Variants in DDX51 observed in about 807,000 individuals in gnomAD.
The protein encoded by DDX51 is ATP-dependent RNA helicase DDX51.
In DDX51, 67 loss-of-function variants were observed where a neutral mutation model predicts 74.6. The ratio of observed to expected loss-of-function variants is 0.90; its 90% confidence interval spans 0.74 to 1.10. The LOEUF (loss-of-function observed/expected upper bound fraction) is 1.10. DDX51 is among the 50% of genes least tolerant of loss of function. DDX51 has a pLI of 0.00. For missense variants in DDX51, 1,056 were observed against 905.2 expected (o/e 1.17, Z -2.14); for synonymous variants, 545 against 402.9 (o/e 1.35, Z -4.22).
chr12:132,144,135 G>T lies in DDX51; in HGVS notation c.162C>A (p.Thr54=). The change falls in exon 1 of 15, where the codon ACC becomes ACA. Residue 54 remains threonine, a synonymous_variant. Coordinates refer to ENST00000397333, the MANE Select transcript of DDX51 (RefSeq NM_175066.4). ...ERQQQREPAQ[T]EAAASTEPAT... ...CCGGCTCGGTCGATGCAGCCGCCTC[G>T]GTCTGCGCGGGCTCCCGCTGCTGCT... is the stretch of plus-strand genomic sequence containing the variant. 8.4e-7 allele frequency: 1 copy of T among 1,193,002 alleles called. No homozygotes were observed. The highest frequency in any genetic ancestry group is 4.0e-5 in the South Asian group (1 of 24,842). 73.9% of individuals were successfully genotyped at this position (1,193,002 alleles called of 1,614,324 possible). A position where few individuals can be genotyped will look rare whatever the true frequency, so the allele number is the denominator to read the frequency against.
At position 132,144,146 on chromosome 12, in the gene DDX51, G is replaced by T; in HGVS notation, c.151C>A (p.Pro51Thr). Residue 51 changes from proline (P) to threonine (T), a missense_variant, in exon 1 of 15, where the codon CCC becomes ACC. Coordinates refer to ENST00000397333, the MANE Select transcript of DDX51 (RefSeq NM_175066.4). ...GATGCAGCCGCCTCGGTCTGCGCGG[G>T]CTCCCGCTGCTGCTGCCGTTCGCGG... Reference protein sequence around the residue: ...RARERQQQREPAQTEAAASTE... With the variant: ...RARERQQQRETAQTEAAASTE... 8.4e-7 allele frequency: 1 copy of T among 1,183,580 alleles called. No homozygotes were observed. The highest frequency in any genetic ancestry group is 1.0e-6 in the Non-Finnish European group (1 of 957,736). The allele number at this position is 1,183,580 out of a possible 1,614,324, so 73.3% of individuals were successfully genotyped here.
At chr12:132,139,526 T>C (rs61942917) in intron 14 of DDX51, 109 bp downstream of exon 14, 59,398 of 1,600,088 alleles carry the variant, frequency 0.037, 1,283 homozygotes, top group Admixed American at 0.062. Flanking sequence ...TGACCCTCTG[T>C]TGCCTTCTCG....
In DDX51 at chr12:132,140,521, T is replaced by C. The variant is rs1593419244; in HGVS notation, c.1575A>G (p.Gln525=). ...ENSHRLFLLV[Q]AFGGVDVAEF... ...CAGCCACGTCCACACCCCCAAAAGC[T>C]TGCACCAGCAGGAAGAGCCTAGGCA... is the stretch of plus-strand genomic sequence containing the variant. Residue 525 remains glutamine (Q), a synonymous_variant, in exon 11 of 15, where the codon CAA becomes CAG. Coordinates refer to ENST00000397333, the MANE Select transcript of DDX51 (RefSeq NM_175066.4). 3 of 1,612,790 alleles carry C rather than the reference T, an allele frequency of 1.9e-6. No individual in the cohort carries two copies. The highest frequency in any genetic ancestry group is 1.7e-5 in the Admixed American group (1 of 59,984).
rs1897346798 is a variant in DDX51, at chr12:132,138,902, G to C, written c.*370C>G. 1 of 244,618 alleles carries C rather than the reference G, an allele frequency of 4.1e-6. No individual in the cohort carries two copies. 15.2% of individuals were successfully genotyped at this position (244,618 alleles called of 1,614,324 possible). A position where few individuals can be genotyped will look rare whatever the true frequency, so the allele number is the denominator to read the frequency against. On this transcript the variant is annotated 3_prime_UTR_variant, in exon 15 of 15. Coordinates refer to ENST00000397333, the MANE Select transcript of DDX51 (RefSeq NM_175066.4). Reference sequence around the variant, plus strand: ...CAAAGTGCTGGAATTACAGGCATGAGCCACCATGCCTGGCCAAGAGCTTGA... The same window carrying C: ...CAAAGTGCTGGAATTACAGGCATGACCCACCATGCCTGGCCAAGAGCTTGA...
rs1439815546 is a variant in DDX51, at chr12:132,141,974, C to T, written c.889-18G>A. 1.9e-6 allele frequency: 3 copies of T among 1,611,824 alleles called. No individual in the cohort carries two copies. The highest frequency in any genetic ancestry group is 1.3e-5 in the African/African-American group (1 of 74,928). On this transcript the variant is annotated intron_variant, in intron 5 of 14. Transcript: ENST00000397333. ...TTGCTCACCTGCAGGAGAAGTCTGT[C>T]ACTGGCCTGGAGGTAGCTGGTGTCC...
intron 14 of DDX51, 75 bp downstream of exon 14, chr12:132,139,551 CCTCTTTTCT>C: frequency 1.2e-6 from 2 of 1,610,362 alleles, no homozygotes; most frequent in Non-Finnish European, 1.7e-6. Context: ...CCTCTTTTTC[CCTCTTTTCT>C]CCACGTGTGG....
At chr12:132,140,067 A>AC (rs1565953153) in intron 12 of DDX51, 31 bp downstream of exon 12, 1 of 1,608,268 alleles carries the variant, frequency 6.2e-7, no homozygotes, top group Admixed American at 1.7e-5. Flanking sequence ...AAAGCCCCAG[A>AC]CCCCCCAGTG....
chr12:132,142,322 T>C lies in DDX51; in HGVS notation c.771A>G (p.Pro257=). ...AGGCCAGTGTCTTCCCACTGCCTGT[T>C]GGGGCAGAAACACAGAGGTCGCTAG... is the stretch of plus-strand genomic sequence containing the variant. The part of the protein sequence containing the change: ...YRPSDLCVSA[P]TGSGKTLAFV... Residue 257 remains proline, a synonymous_variant, in exon 4 of 15, where the codon CCA becomes CCG. Transcript: ENST00000397333. 1 of 1,613,138 alleles carries C rather than the reference T, an allele frequency of 6.2e-7. No homozygotes were observed. Among genetic ancestry groups the C allele is most frequent in the South Asian group, 1.1e-5 (1 of 91,084 alleles).
At position 132,141,972 on chromosome 12, in the gene DDX51, G is replaced by A. The variant is rs753148115; in HGVS notation, c.889-16C>T. On this transcript the variant is annotated splice_polypyrimidine_tract_variant and intron_variant, in intron 5 of 14. Transcript: ENST00000397333. ...CTTTGCTCACCTGCAGGAGAAGTCT[G>A]TCACTGGCCTGGAGGTAGCTGGTGT... The A allele has an allele frequency of 1.9e-5, 31 of 1,611,894 alleles. 1 individual carries two copies. The South Asian group carries it at 3.4e-4, about 18-fold the overall frequency.
intron 3 of DDX51, 105 bp from the exon 4 acceptor site, chr12:132,142,527 G>A: frequency 6.6e-7 from 1 of 1,508,774 alleles, no homozygotes. Flanking sequence ...GGAGGCCTGG[G>A]AACCGCTCCC....
rs1186564792 is a variant in DDX51 at position 132,138,344 on chromosome 12, ACT to A, written c.*926_*927del. On this transcript the variant is annotated 3_prime_UTR_variant, in exon 15 of 15. Coordinates refer to ENST00000397333, the MANE Select transcript of DDX51 (RefSeq NM_175066.4). ...AGAGCTTTTTTTTTGACGGAGTCTCACTCTGTTGCCCAGGCTGGAGTGCAGTG... is the reference window on the plus strand; with the variant it reads ...AGAGCTTTTTTTTTGACGGAGTCTCACTGTTGCCCAGGCTGGAGTGCAGTG... 4.6e-5 allele frequency: 7 copies of A among 151,936 alleles called. No individual in the cohort carries two copies. Among genetic ancestry groups the A allele is most frequent in the Non-Finnish European group, 1.0e-4 (7 of 68,064 alleles). The allele number at this position is 151,936 out of a possible 1,614,324, so 9.4% of individuals were successfully genotyped here.
At position 132,141,880 on chromosome 12, in the gene DDX51, G is replaced by C. The variant is rs60927391; in HGVS notation, c.965C>G (p.Ala322Gly). 1 of 1,612,996 alleles carries C rather than the reference G, an allele frequency of 6.2e-7. No homozygotes were observed. The highest frequency in any genetic ancestry group is 8.5e-7 in the Non-Finnish European group (1 of 1,179,964). Residue 322 changes from alanine (A) to glycine (G), a missense_variant, in exon 6 of 15, where the codon GCC (alanine) becomes GGC (glycine). Ala to Gly is a moderately conservative substitution (Grantham distance 60). Coordinates refer to ENST00000397333, the MANE Select transcript of DDX51 (RefSeq NM_175066.4). Reference protein sequence around the residue: ...VSLVTGQKSLAKEQESLVQKT... With the variant: ...VSLVTGQKSLGKEQESLVQKT... ...CTGGACGAGGCTCTCCTGCTCCTTGGCCAGAGACTTCTGTCCCGTAACCAG... is the reference window on the plus strand; with the variant it reads ...CTGGACGAGGCTCTCCTGCTCCTTGCCCAGAGACTTCTGTCCCGTAACCAG...
rs1399596635 is a variant in DDX51, at chr12:132,144,314, G to A, written c.-18C>T. The A allele has an allele frequency of 1.5e-6, 2 of 1,346,492 alleles. No homozygotes were observed. The highest frequency in any genetic ancestry group is 1.9e-6 in the Non-Finnish European group (2 of 1,053,532). 83.4% of individuals were successfully genotyped at this position (1,346,492 alleles called of 1,614,324 possible). On this transcript the variant is annotated 5_prime_UTR_variant, in exon 1 of 15. Transcript: ENST00000397333. The stretch of plus-strand genomic sequence containing the variant: ...AGCGCCATGGCCAGCCGCACGCCTG[G>A]GACTCGGGCGTGGCGCGCTGCGATG...
rs1451005135 is a variant in DDX51, at chr12:132,137,143, C to T, written c.*2129G>A. 2.6e-5 allele frequency: 4 copies of T among 152,280 alleles called. No homozygotes were observed. Among genetic ancestry groups the T allele is most frequent in the African/African-American group, 9.7e-5 (4 of 41,448 alleles). The allele number at this position is 152,280 out of a possible 1,614,324, so 9.4% of individuals were successfully genotyped here. A position where few individuals can be genotyped will look rare whatever the true frequency, so the allele number is the denominator to read the frequency against. On this transcript the variant is annotated 3_prime_UTR_variant, in exon 15 of 15. Coordinates refer to ENST00000397333, the MANE Select transcript of DDX51 (RefSeq NM_175066.4). ...GAGGGTCTCTGGGTCTGCTCCCAGA[C>T]ATCTTCTTGGGGTTACAGGCACCCC...
At chr12:132,142,588 G>T in intron 3 of DDX51, 140 bp downstream of exon 3, 1 of 1,471,700 alleles carries the variant, frequency 6.8e-7, no homozygotes, top group Non-Finnish European at 9.0e-7. Flanking sequence ...GGAGACCCAA[G>T]TGGGAACCAT....
Position 132,144,145 on chromosome 12 carries a change from G to A in DDX51, c.152C>T (p.Pro51Leu). 8.4e-7 allele frequency: 1 copy of A among 1,184,940 alleles called. No individual in the cohort carries two copies. The highest frequency in any genetic ancestry group is 1.0e-6 in the Non-Finnish European group (1 of 958,644). 73.4% of individuals were successfully genotyped at this position (1,184,940 alleles called of 1,614,324 possible). A position where few individuals can be genotyped will look rare whatever the true frequency, so the allele number is the denominator to read the frequency against. Reference protein sequence around the residue: ...RARERQQQREPAQTEAAASTE... With the variant: ...RARERQQQRELAQTEAAASTE... ...CGATGCAGCCGCCTCGGTCTGCGCG[G>A]GCTCCCGCTGCTGCTGCCGTTCGCG... The change falls in exon 1 of 15, where the codon CCC (proline) becomes CTC (leucine). Residue 51 changes from proline (P) to leucine (L), a missense_variant. Pro to Leu is a moderately conservative substitution (Grantham distance 98). Coordinates refer to ENST00000397333, the MANE Select transcript of DDX51 (RefSeq NM_175066.4).
intron 2 of DDX51, 153 bp downstream of exon 2, chr12:132,143,542 C>G (rs570477391): frequency 9.8e-7 from 1 of 1,018,928 alleles, no homozygotes; most frequent in South Asian, 1.6e-5. Flanking sequence ...AGGATCCAGA[C>G]CCCTAGGCGA....
Position 132,143,892 on chromosome 12 carries a change from G to A in DDX51, c.322C>T (p.Pro108Ser), listed in dbSNP as rs1463461115. 6.6e-7 allele frequency: 1 copy of A among 1,515,312 alleles called. No homozygotes were observed. The highest frequency in any genetic ancestry group is 8.8e-7 in the Non-Finnish European group (1 of 1,141,808). 93.9% of individuals were successfully genotyped at this position (1,515,312 alleles called of 1,614,324 possible). A position where few individuals can be genotyped will look rare whatever the true frequency, so the allele number is the denominator to read the frequency against. ...DAGAESNEEA[P>S]GEPSAGSSEE... ...CTGCTCCCTGCGCTGGGCTCCCCTG[G>A]CGCCTCCTCGTTGCTTTCTGCGAGG... Residue 108 changes from proline (P) to serine (S), a missense_variant, in exon 2 of 15, where the codon CCA (proline) becomes TCA (serine). Pro to Ser is a moderately conservative substitution (Grantham distance 74). Coordinates refer to ENST00000397333, the MANE Select transcript of DDX51 (RefSeq NM_175066.4).
rs1593416739 is a variant in DDX51, at chr12:132,137,542, T to C, written c.*1730A>G. The C allele has an allele frequency of 6.6e-6, 1 of 152,356 alleles. No homozygotes were observed. Among genetic ancestry groups the C allele is most frequent in the South Asian group, 2.1e-4 (1 of 4,830 alleles). 9.4% of individuals were successfully genotyped at this position (152,356 alleles called of 1,614,324 possible). Reference sequence around the variant, plus strand: ...GTTTGAACACAGTCCACAGGTTCAGTGGTTGCATCTCTAATCAGCTGCCAG... The same window carrying C: ...GTTTGAACACAGTCCACAGGTTCAGCGGTTGCATCTCTAATCAGCTGCCAG... On this transcript the variant is annotated 3_prime_UTR_variant, in exon 15 of 15. Coordinates refer to ENST00000397333, the MANE Select transcript of DDX51 (RefSeq NM_175066.4).
Sources: allele counts gnomAD v4.1 joint callset, GRCh38; gene constraint gnomAD v4.1.1; transcripts MANE v1.5; gene names NCBI Gene and HGNC (gene_info 2026-07-23, HGNC 2026-07-21).